PC: variants seen among roughly 807,000 people sequenced by gnomAD.
PC encodes the protein pyruvate carboxylase.
Under a neutral mutation model 107.8 loss-of-function variants are expected in PC, and 46 were observed. The observed-to-expected ratio is 0.43, with a 90% CI of 0.34 to 0.55. The LOEUF (loss-of-function observed/expected upper bound fraction) is 0.55, where lower values mean the gene tolerates loss of function less well. Among genes scored for constraint, PC ranks in the 20% least tolerant of loss-of-function variants. The pLI is 0.04. For missense variants in PC, 1,241 were observed against 1,643.1 expected, an observed-to-expected ratio of 0.76 and a Z score of 4.23; for synonymous variants, 662 against 684.7, an observed-to-expected ratio of 0.97 and a Z score of 0.52.
chr11:66,905,451 C>T (rs138819841), intron 3 of PC, among the ~76,000 whole-genome samples: 311 of 152,228 alleles, frequency 2.0e-3, no homozygotes, highest in African/African-American at 7.2e-3. Context: ...TGATCACAAC[C>T]CCCTAATGCT....
At position 66,911,926 on chromosome 11, in the gene PC, G is replaced by C. The variant is rs192473430; in HGVS notation, c.1-39767C>G. Among the ~76,000 whole-genome samples the C allele has an allele frequency of 2.4e-3, 365 of 151,744 alleles. 4 individuals carry two copies. Among genetic ancestry groups the C allele is most frequent in the African/African-American group, 8.7e-3 (360 of 41,370 alleles). On this transcript the variant is annotated intron_variant, in intron 3 of 22. Coordinates refer to ENST00000393960, the MANE Select transcript of PC (RefSeq NM_001040716.2). ...ACATGCCTGTAAATTCCAGCTACTC[G>C]GAAGGCTGAGGCAGGAGAATCCCTC...
In PC at chr11:66,910,547, G is replaced by GA. The variant is rs1948306982; in HGVS notation, c.1-38389dup. ...AGATACTAGGTGCTATAGGGAAGCA[G>GA]AGAGAGCGTGATGGCCCCACACTTT... is the stretch of plus-strand genomic sequence containing the variant. On this transcript the variant is annotated intron_variant, in intron 3 of 22. Transcript: ENST00000393960. Among the ~76,000 whole-genome samples the GA allele has an allele frequency of 2.0e-5, 3 of 152,232 alleles. 1 individual carries two copies. The South Asian group carries it at 6.2e-4, about 32-fold the overall frequency.
chr11:66,871,398 C>T lies in PC; in HGVS notation c.404G>A (p.Gly135Glu), dbSNP rs375365758. ...TGGGCTTGGCCCAATAAACCGGACC[C>T]CTGCATCCTGGCAGGCCTGGGCGAA... is the stretch of plus-strand genomic sequence containing the variant. ...ADFAQACQDA[G>E]VRFIGPSPEV... Residue 135 changes from glycine (G) to glutamate (E), a missense_variant, in exon 6 of 23, where the codon GGG becomes GAG. By Grantham distance (98) the Gly-to-Glu change is moderately conservative (BLOSUM62 -2). Coordinates refer to ENST00000393960, the MANE Select transcript of PC (RefSeq NM_001040716.2). This position sits in a 1 kb window ranked among gnomAD's most constrained non-coding sequence, Gnocchi z 7.4. 7 of 1,613,630 alleles carry T rather than the reference C, an allele frequency of 4.3e-6. No individual in the cohort carries two copies. Among genetic ancestry groups the T allele is most frequent in the Non-Finnish European group, 5.9e-6 (7 of 1,180,044 alleles).
rs770662505 is a variant in PC at position 66,866,261 on chromosome 11, C to T, written c.1111G>A (p.Gly371Arg). 2.5e-6 allele frequency: 4 copies of T among 1,613,040 alleles called. No individual in the cohort carries two copies. The highest frequency in any genetic ancestry group is 4.5e-5 in the East Asian group (2 of 44,868). ...GLRQENIRIN[G>R]CAIQCRVTTE... is the part of the protein sequence containing the mutation. ...GTGACCCGGCACTGGATGGCACACC[C>T]GTTGATGCGGATGTTCTCCTGCCGC... Residue 371 changes from glycine (G) to arginine (R), a missense_variant, in exon 11 of 23, where the codon GGG (glycine) becomes AGG (arginine). By Grantham distance (125) the Gly-to-Arg change is moderately radical. Around this residue, in one of 2 missense-constraint regions of PC, gnomAD observed 1,143 missense variants for 1,551.9 expected, o/e 0.74. Coordinates refer to ENST00000393960, the MANE Select transcript of PC (RefSeq NM_001040716.2). The surrounding 1 kb of genome is among the most constrained non-coding windows in gnomAD (Gnocchi z 5.4).
intron 13 of PC, 42 bp downstream of exon 13, chr11:66,853,192 AGAGCG>A (rs775116978): frequency 8.8e-6 from 14 of 1,599,094 alleles, no homozygotes; most frequent in Non-Finnish European, 1.1e-5. Flanking sequence ...AAGAGATTGG[AGAGCG>A]GAGGGGAGGG....
intron 3 of PC, among the ~76,000 whole-genome samples, chr11:66,876,292 C>T (rs191631633): frequency 4.0e-4 from 61 of 152,306 alleles, no homozygotes; most frequent in African/African-American, 1.4e-3. Flanking sequence ...CAAGGGTCCA[C>T]GAGCACCACA....
chr11:66,958,287 G>C (rs1949627830), intron 1 of PC, 35 bp downstream of exon 1: 4 of 152,234 alleles, frequency 2.6e-5, no homozygotes, highest in Admixed American at 2.6e-4. Context: ...ACCCGCCGCG[G>C]GAAGAGGACC....
intron 3 of PC, among the ~76,000 whole-genome samples, chr11:66,923,002 C>T (rs964453455): frequency 1.3e-5 from 2 of 152,212 alleles, no homozygotes; most frequent in African/African-American, 4.8e-5. Context: ...GCTGCCACAT[C>T]CCATCTTGAG....
chr11:66,862,575 T>C (rs1356881280), intron 12 of PC, among the ~76,000 whole-genome samples: 1 of 152,070 alleles, frequency 6.6e-6, no homozygotes, highest in African/African-American at 2.4e-5. Context: ...AAGAAGAAGA[T>C]GGGGTGGTAA....
Position 66,849,077 on chromosome 11 carries a change from A to C in PC, c.3359T>G (p.Val1120Gly). The change falls in exon 23 of 23, where the codon GTG becomes GGG. Residue 1120 changes from valine to glycine, a missense_variant. This residue lies in a region of PC where 98 missense variants were observed against 91.2 expected (regional missense o/e 1.07). Transcript: ENST00000393960. ...GQIGAPMPGK[V>G]IDIKVVAGAK... ...CCCTGCCACCACTTTGATGTCTATC[A>C]CCTTCCCAGGCATGGGCGCCCCGAT... is the stretch of plus-strand genomic sequence containing the variant. 1 of 1,614,028 alleles carries C rather than the reference A, an allele frequency of 6.2e-7. No individual in the cohort carries two copies. The highest frequency in any genetic ancestry group is 8.5e-7 in the Non-Finnish European group (1 of 1,180,012).
intron 3 of PC, among the ~76,000 whole-genome samples, chr11:66,899,760 T>G (rs191376212): frequency 1.3e-3 from 193 of 152,384 alleles, no homozygotes; most frequent in Non-Finnish European, 1.9e-3. Context: ...AAAGGTTGAT[T>G]CTGATGACGT....
intron 3 of PC, among the ~76,000 whole-genome samples, chr11:66,920,714 G>A (rs1948573879): frequency 6.6e-6 from 1 of 152,148 alleles, no homozygotes; most frequent in African/African-American, 2.4e-5. Flanking sequence ...AACAGAGCTG[G>A]GCCTGGATGC....
intron 3 of PC, among the ~76,000 whole-genome samples, chr11:66,903,877 G>C (rs1320164733): frequency 7.0e-6 from 1 of 143,548 alleles, no homozygotes; most frequent in Non-Finnish European, 1.5e-5. Flanking sequence ...ACCCAGGCTG[G>C]AGTACAACGG....
At chr11:66,949,692 C>T (rs1382111261) in intron 3 of PC, among the ~76,000 whole-genome samples, 3 of 151,996 alleles carry the variant, frequency 2.0e-5, no homozygotes, top group Non-Finnish European at 4.4e-5. Context: ...AAATAAAAGC[C>T]CCCTGAAAGT....
At chr11:66,873,343 A>AT (rs1555028346) in intron 3 of PC, among the ~76,000 whole-genome samples, 3 of 120,882 alleles carry the variant, frequency 2.5e-5, no homozygotes, top group African/African-American at 9.4e-5. Context: ...ATCTTTAAAA[A>AT]ATATATATAT....
At position 66,906,824 on chromosome 11, in the gene PC, C is replaced by T. The variant is rs574430853; in HGVS notation, c.1-34665G>A. Among the ~76,000 whole-genome samples, 4 of 152,330 alleles carry T rather than the reference C, an allele frequency of 2.6e-5. No homozygotes were observed. The South Asian group carries it at 8.3e-4, about 32-fold the overall frequency. On this transcript the variant is annotated intron_variant, in intron 3 of 22. Transcript: ENST00000393960. ...TTCTTCAAAATGGGAGATGTTCTCT[C>T]CCCTTAGATCTGAGCAGTGAGTCCT... is the stretch of plus-strand genomic sequence containing the variant.
At chr11:66,942,135 A>G (rs543372537) in intron 3 of PC, among the ~76,000 whole-genome samples, 97 of 150,360 alleles carry the variant, frequency 6.5e-4, no homozygotes, top group African/African-American at 2.3e-3. Context: ...GCGGTGGCTC[A>G]TGCCTGTAAT....
At chr11:66,910,786 C>T (rs745393446) in intron 3 of PC, among the ~76,000 whole-genome samples, 4 of 152,184 alleles carry the variant, frequency 2.6e-5, no homozygotes, top group Non-Finnish European at 5.9e-5. Context: ...TCTGGATTGA[C>T]CCAACCCAAC....
Position 66,870,331 on chromosome 11 carries a change from T to A in PC, c.874A>T (p.Thr292Ser). 11 of 1,613,476 alleles carry A rather than the reference T, an allele frequency of 6.8e-6. No individual in the cohort carries two copies. The highest frequency in any genetic ancestry group is 9.3e-6 in the Non-Finnish European group (11 of 1,179,980). The change falls in exon 9 of 23, where the codon ACC becomes TCC. Residue 292 changes from threonine (T) to serine (S), a missense_variant. By Grantham distance (58) the Thr-to-Ser change is moderately conservative (BLOSUM62 1). Coordinates refer to ENST00000393960, the MANE Select transcript of PC (RefSeq NM_001040716.2). The surrounding 1 kb of genome is among the most constrained non-coding windows in gnomAD (Gnocchi z 6.1). ...HLDPQLRTRL[T>S]SDSVKLAKQV... Reference sequence around the variant, plus strand: ...TTAGCGAGTTTCACAGAGTCGCTGGTGAGCCGAGTCCGAAGCTGCGGGTCC... The same window carrying A: ...TTAGCGAGTTTCACAGAGTCGCTGGAGAGCCGAGTCCGAAGCTGCGGGTCC...
Sources: allele counts gnomAD v4.1 joint callset (sites outside exome capture counted in the v4.1 genomes callset), GRCh38; gene constraint gnomAD v4.1.1; regional missense constraint gnomAD v4.1.1; non-coding constraint Gnocchi (gnomAD v3.1); transcripts MANE v1.5; gene names NCBI Gene and HGNC (gene_info 2026-07-23, HGNC 2026-07-21).